Variants in ESYT2 observed in about 807,000 individuals in gnomAD.
ESYT2 encodes extended synaptotagmin 2, also known as extended synaptotagmin-2.
A neutral mutation model predicts 107.2 loss-of-function variants in ESYT2; 54 were observed. The ratio of observed to expected loss-of-function variants is 0.50; its 90% CI spans 0.40 to 0.63. The LOEUF (loss-of-function observed/expected upper bound fraction) is 0.63. Ranked by LOEUF, ESYT2 falls within the 30% of genes least tolerant of loss-of-function variation. ESYT2 has a pLI of 0.00. For missense variants in ESYT2, 1,020 were observed against 1,094.5 expected, an observed-to-expected ratio of 0.93 and a Z score of 0.96; for synonymous variants, 491 against 434.1, an observed-to-expected ratio of 1.13 and a Z score of -1.63.
intron 4 of ESYT2, among the ~76,000 whole-genome samples, chr7:158,789,952 C>T (rs1227889199): frequency 2.0e-5 from 3 of 152,178 alleles, no homozygotes; most frequent in Non-Finnish European, 4.4e-5. Context: ...TGGACTCAAA[C>T]TCGCTCGGTG....
intron 16 of ESYT2, among the ~76,000 whole-genome samples, chr7:158,745,159 AAGC>A (rs1343182784): frequency 6.6e-6 from 1 of 151,340 alleles, no homozygotes; most frequent in Non-Finnish European, 1.5e-5. Flanking sequence ...AGGGTCAGGC[AAGC>A]GGCATGACCA....
intron 8 of ESYT2, among the ~76,000 whole-genome samples, chr7:158,766,118 G>A (rs1385530133): frequency 1.3e-5 from 2 of 151,804 alleles, no homozygotes; most frequent in Admixed American, 6.6e-5. Context: ...GCAGTGAGCC[G>A]AGATTGTGCT....
At chr7:158,767,816 A>T in intron 7 of ESYT2, 42 bp from the exon 8 acceptor site, 1 of 1,583,990 alleles carries the variant, frequency 6.3e-7, no homozygotes. Context: ...ACTATCAGAC[A>T]TGTGAATGCT....
At chr7:158,782,813 C>T (rs1049437287) in intron 6 of ESYT2, among the ~76,000 whole-genome samples, 7 of 152,036 alleles carry the variant, frequency 4.6e-5, no homozygotes, top group African/African-American at 1.7e-4. Flanking sequence ...CGTGTGAGAA[C>T]AAGTCTGTGA....
chr7:158,813,810 G>C (rs1840053787), intron 1 of ESYT2, among the ~76,000 whole-genome samples: 2 of 150,346 alleles, frequency 1.3e-5, no homozygotes. Flanking sequence ...GACTCTCACA[G>C]ATCAAAAACA....
chr7:158,762,095 G>A (rs534598477), intron 10 of ESYT2, among the ~76,000 whole-genome samples: 1 of 151,988 alleles, frequency 6.6e-6, no homozygotes, highest in Non-Finnish European at 1.5e-5. Context: ...GCATCTGAGA[G>A]GAGGCCCATT....
intron 1 of ESYT2, among the ~76,000 whole-genome samples, chr7:158,800,190 A>G (rs182612540): frequency 3.3e-5 from 5 of 151,394 alleles, no homozygotes; most frequent in Admixed American, 6.6e-5. Flanking sequence ...CTGGGATTGC[A>G]GGCACCTACC....
chr7:158,784,777 A>G (rs764316155), intron 6 of ESYT2, among the ~76,000 whole-genome samples: 3 of 152,212 alleles, frequency 2.0e-5, no homozygotes, highest in African/African-American at 4.8e-5. Flanking sequence ...ATTTCTTCTC[A>G]TAACAGAAGA....
At chr7:158,767,429 G>C (rs1053605250) in intron 8 of ESYT2, among the ~76,000 whole-genome samples, 1 of 152,128 alleles carries the variant, frequency 6.6e-6, no homozygotes, top group Non-Finnish European at 1.5e-5. Flanking sequence ...CACAGCTATG[G>C]GGTGAGAATC....
intron 15 of ESYT2, 128 bp from the exon 16 acceptor site, chr7:158,748,408 G>A: frequency 1.4e-6 from 1 of 718,474 alleles, no homozygotes; most frequent in Non-Finnish European, 2.3e-6. Flanking sequence ...AGAAGCTTAG[G>A]TTGACCTTAA....
chr7:158,813,938 C>T (rs1426542455), intron 1 of ESYT2, among the ~76,000 whole-genome samples: 1 of 151,972 alleles, frequency 6.6e-6, no homozygotes, highest in Non-Finnish European at 1.5e-5. Context: ...AATATACGTT[C>T]CTCGTCCCAA....
intron 1 of ESYT2, among the ~76,000 whole-genome samples, chr7:158,814,181 G>T (rs1000994795): frequency 6.6e-6 from 1 of 151,486 alleles, no homozygotes; most frequent in African/African-American, 2.4e-5. Flanking sequence ...GGCTGAGGCA[G>T]GAGAATGGCA....
At chr7:158,747,008 C>T (rs1036799817) in intron 16 of ESYT2, among the ~76,000 whole-genome samples, 1 of 150,940 alleles carries the variant, frequency 6.6e-6, no homozygotes, top group Non-Finnish European at 1.5e-5. Flanking sequence ...TCTGTGATTA[C>T]ACCACTGCAC....
chr7:158,793,389 A>G (rs771597638), intron 4 of ESYT2, among the ~76,000 whole-genome samples: 4 of 152,172 alleles, frequency 2.6e-5, no homozygotes, highest in Non-Finnish European at 5.9e-5. Flanking sequence ...CAATGTTCAT[A>G]AAGAATATTG....
chr7:158,738,988 G>A (rs1304469756), intron 19 of ESYT2, 35 bp downstream of exon 19: 1 of 1,592,684 alleles, frequency 6.3e-7, no homozygotes, highest in Non-Finnish European at 8.6e-7. Context: ...ACACTCAGCA[G>A]CACAGCAGCG....
At chr7:158,773,528 TA>T in intron 6 of ESYT2, 132 bp from the exon 7 acceptor site, 2 of 724,082 alleles carry the variant, frequency 2.8e-6, no homozygotes, top group Non-Finnish European at 4.4e-6. Context: ...TCATCCTTCG[TA>T]ATATACCAAG....
chr7:158,804,607 C>T (rs1839767446), intron 1 of ESYT2, among the ~76,000 whole-genome samples: 1 of 150,956 alleles, frequency 6.6e-6, no homozygotes. Context: ...GTGACAAACC[C>T]AAAGTGCTGA....
intron 1 of ESYT2, among the ~76,000 whole-genome samples, chr7:158,816,064 A>C (rs536413806): frequency 1.7e-4 from 26 of 152,284 alleles, no homozygotes; most frequent in Non-Finnish European, 3.5e-4. Context: ...GATGTGGTAA[A>C]ATGGAGGATC....
chr7:158,783,257 C>T (rs972371375), intron 6 of ESYT2, among the ~76,000 whole-genome samples: 1 of 152,142 alleles, frequency 6.6e-6, no homozygotes, highest in Non-Finnish European at 1.5e-5. Context: ...TTTCATGAAG[C>T]GCACAGATGC....
Sources: allele counts gnomAD v4.1 joint callset (sites outside exome capture counted in the v4.1 genomes callset), GRCh38; gene constraint gnomAD v4.1.1; transcripts MANE v1.5; gene names NCBI Gene and HGNC (gene_info 2026-07-23, HGNC 2026-07-21).